The following TMEM71 variants were observed in gnomAD, a reference collection of about 807,000 sequenced individuals.
The protein encoded by TMEM71 is transmembrane protein 71.
Under a neutral mutation model 38.0 loss-of-function variants are expected in TMEM71, and 44 were observed. The ratio of observed to expected loss-of-function variants is 1.16; its 90% confidence interval spans 0.91 to 1.49. The LOEUF (loss-of-function observed/expected upper bound fraction) is 1.49, where lower values mean the gene tolerates loss of function less well. Among genes scored for constraint, TMEM71 ranks in the 40% most tolerant of loss-of-function variants. The probability of loss-of-function intolerance (pLI) is 0.00; values close to 1 mark genes in which losing one functional copy is unlikely to be tolerated. For synonymous variants in TMEM71, 133 were observed against 122.5 expected (o/e 1.09, Z -0.56); for missense variants, 367 against 348.6 (o/e 1.05, Z -0.42).
intron 6 of TMEM71, among the ~76,000 whole-genome samples, chr8:132,723,497 T>C (rs1826962709): frequency 6.6e-6 from 1 of 152,206 alleles, no homozygotes; most frequent in Non-Finnish European, 1.5e-5. Flanking sequence ...TGTAACCTCC[T>C]TTAGGAAGCC....
intron 7 of TMEM71, among the ~76,000 whole-genome samples, chr8:132,715,268 G>A (rs1256043575): frequency 1.3e-5 from 2 of 151,648 alleles, no homozygotes; most frequent in African/African-American, 4.8e-5. Context: ...AAAATAGCCG[G>A]GCGTGGTGGC....
downstream of TMEM71, among the ~76,000 whole-genome samples, chr8:132,709,365 T>G (rs1271339084): frequency 1.3e-5 from 2 of 152,184 alleles, no homozygotes; most frequent in Non-Finnish European, 2.9e-5. Context: ...ACCTACTAAA[T>G]TATTACACGA....
intron 7 of TMEM71, among the ~76,000 whole-genome samples, chr8:132,716,605 G>T (rs12547993): frequency 0.11 from 16,434 of 152,142 alleles, 1,020 homozygotes; most frequent in East Asian, 0.3. Flanking sequence ...TATACATACG[G>T]TATATGCAAA....
At chr8:132,723,580 A>G (rs558588425) in intron 6 of TMEM71, among the ~76,000 whole-genome samples, 1 of 152,230 alleles carries the variant, frequency 6.6e-6, no homozygotes, top group East Asian at 1.9e-4. Context: ...CCTTGTTCAT[A>G]TCTCTGCTAA....
chr8:132,769,851 C>T, the TMEM71 span, among the ~76,000 whole-genome samples: 2 of 152,106 alleles, frequency 1.3e-5, no homozygotes, highest in Non-Finnish European at 2.9e-5. Context: ...AGTGATTAAA[C>T]AAATAAATTA....
At chr8:132,725,646 T>G (rs368399524) in intron 6 of TMEM71, among the ~76,000 whole-genome samples, 11 of 152,308 alleles carry the variant, frequency 7.2e-5, no homozygotes, top group South Asian at 2.1e-4. Context: ...TAATGGAAGA[T>G]GGAGACCTTG....
chr8:132,746,078 C>T (rs1041349756), intron 5 of TMEM71, among the ~76,000 whole-genome samples: 5 of 148,452 alleles, frequency 3.4e-5, no homozygotes, highest in African/African-American at 1.3e-4. Context: ...ATGCTTAGTA[C>T]CTGGGTGATG....
At chr8:132,733,263 C>T (rs1317608054) in intron 5 of TMEM71, among the ~76,000 whole-genome samples, 2 of 152,092 alleles carry the variant, frequency 1.3e-5, no homozygotes, top group Non-Finnish European at 2.9e-5. Flanking sequence ...CAATTAGTAC[C>T]CAGCTCATAG....
At chr8:132,723,939 G>A (rs1030627147) in intron 6 of TMEM71, among the ~76,000 whole-genome samples, 25 of 152,124 alleles carry the variant, frequency 1.6e-4, no homozygotes, top group African/African-American at 6.0e-4. Flanking sequence ...TTTACAGCTG[G>A]GCTGCCGGGG....
At chr8:132,758,740 G>T in intron 2 of TMEM71, 100 bp downstream of exon 2, 2 of 980,130 alleles carry the variant, frequency 2.0e-6, no homozygotes, top group South Asian at 1.3e-5. Context: ...CTGACAGATG[G>T]TTAATGGTCT....
At chr8:132,750,936 C>T (rs563439131) in intron 4 of TMEM71, among the ~76,000 whole-genome samples, 31 of 152,270 alleles carry the variant, frequency 2.0e-4, no homozygotes, top group African/African-American at 7.0e-4. Context: ...TATTTCCCCA[C>T]CTTTACTGTT....
chr8:132,770,282 A>T, the TMEM71 span, among the ~76,000 whole-genome samples: 1 of 152,166 alleles, frequency 6.6e-6, no homozygotes, highest in Non-Finnish European at 1.5e-5. Flanking sequence ...AATATTAGTT[A>T]TTTTGTTGTC....
At chr8:132,715,435 A>AAAAAAAAAAAAGAAT (rs1826470700) in intron 7 of TMEM71, among the ~76,000 whole-genome samples, 1 of 150,094 alleles carries the variant, frequency 6.7e-6, no homozygotes, top group East Asian at 1.9e-4. Flanking sequence ...AAAAAAAAAA[A>AAAAAAAAAAAAGAAT]GAATGAAAAG....
intron 7 of TMEM71, among the ~76,000 whole-genome samples, chr8:132,721,456 T>C (rs149887426): frequency 4.7e-4 from 71 of 152,224 alleles, no homozygotes; most frequent in African/African-American, 1.6e-3. Context: ...CACTTCTCTT[T>C]GGAGAAAAAG....
chr8:132,736,540 T>C (rs1827756561), intron 5 of TMEM71, among the ~76,000 whole-genome samples: 2 of 152,098 alleles, frequency 1.3e-5, no homozygotes, highest in Admixed American at 1.3e-4. Context: ...TGAAAATTGC[T>C]AGGAGAGGGC....
At chr8:132,730,465 T>C (rs1033714038) in intron 5 of TMEM71, among the ~76,000 whole-genome samples, 1 of 152,124 alleles carries the variant, frequency 6.6e-6, no homozygotes, top group Non-Finnish European at 1.5e-5. Context: ...GATAATCTCC[T>C]ATGGGTAAGG....
At chr8:132,765,305 A>G (rs1455705414), upstream of TMEM71, among the ~76,000 whole-genome samples, 2 of 152,212 alleles carry the variant, frequency 1.3e-5, no homozygotes, top group African/African-American at 2.4e-5. Context: ...CGGCAAGCTC[A>G]TGCACGTTTC....
upstream of TMEM71, among the ~76,000 whole-genome samples, chr8:132,761,858 G>A (rs887758926): frequency 3.3e-5 from 5 of 152,334 alleles, no homozygotes; most frequent in Admixed American, 3.3e-4. Flanking sequence ...TCAAAAGCCA[G>A]TAAGGGTCTG....
intron 5 of TMEM71, among the ~76,000 whole-genome samples, chr8:132,731,699 T>A (rs569651730): frequency 6.6e-6 from 1 of 151,980 alleles, no homozygotes; most frequent in Admixed American, 6.6e-5. Context: ...CTGAGAAGGG[T>A]TTAGAGACAG....
Sources: gnomAD v4.1 joint callset for allele counts (sites outside exome capture counted in the v4.1 genomes callset) on GRCh38, gnomAD v4.1.1 for gene constraint, MANE v1.5 for transcripts, NCBI Gene and HGNC (gene_info 2026-07-23, HGNC 2026-07-21) for gene names.